Variants in PCDHGB2 observed in about 807,000 individuals in gnomAD.
PCDHGB2 encodes protocadherin gamma subfamily B, 2, also known as protocadherin gamma-B2.
A neutral mutation model predicts 59.3 loss-of-function variants in PCDHGB2; 55 were observed. The ratio of observed to expected loss-of-function variants is 0.93; its 90% confidence interval spans 0.75 to 1.16. PCDHGB2 has a LOEUF of 1.16. PCDHGB2 is among the 50% of genes most tolerant of loss of function. The probability of loss-of-function intolerance (pLI) is 0.00; values close to 1 mark genes in which losing one functional copy is unlikely to be tolerated. For synonymous variants in PCDHGB2, 516 were observed against 512.0 expected (o/e 1.01, Z -0.11); for missense variants, 1,228 against 1,198.5 (o/e 1.02, Z -0.36).
chr5:141,443,216 C>T (rs758242896), intron 1 of PCDHGB2, among the ~76,000 whole-genome samples: 3 of 151,908 alleles, frequency 2.0e-5, no homozygotes, highest in South Asian at 2.1e-4. Context: ...TCTCGCCAGG[C>T]GCATCTATAA....
In PCDHGB2 at chr5:141,382,960, G is replaced by C. The variant is rs62621829; in HGVS notation, c.2421+20404G>C. The C allele has an allele frequency of 3.2e-4, 511 of 1,607,476 alleles. 2 individuals are homozygous for C. The highest frequency in any genetic ancestry group is 5.5e-5 in the Non-Finnish European group (65 of 1,175,660). On this transcript the variant is annotated intron_variant, in intron 1 of 3. Coordinates refer to ENST00000522605, the MANE Select transcript of PCDHGB2 (RefSeq NM_018923.3). ...ATTCTTCCTGCTCTCCATCCTCCTGGGGACCCCCTGGGAAGCCTGGGCAGG... is the reference window on the plus strand; with the variant it reads ...ATTCTTCCTGCTCTCCATCCTCCTGCGGACCCCCTGGGAAGCCTGGGCAGG...
intron 1 of PCDHGB2, chr5:141,422,190 A>G (rs761351024): frequency 6.4e-7 from 1 of 1,561,412 alleles, no homozygotes. Flanking sequence ...TGGAAATTCA[A>G]GGCCAAGATG....
intron 1 of PCDHGB2, chr5:141,421,043 C>T (rs1201118615): frequency 5.5e-6 from 3 of 548,238 alleles, no homozygotes; most frequent in African/African-American, 3.9e-5. Flanking sequence ...CCTCCCTCCC[C>T]CGCCTCTACC....
intron 1 of PCDHGB2, chr5:141,421,442 A>G (rs769354611): frequency 1.7e-5 from 27 of 1,613,990 alleles, no homozygotes; most frequent in Non-Finnish European, 2.2e-5. Context: ...TCCAGAGGGA[A>G]GACACAGCTT....
intron 1 of PCDHGB2, chr5:141,364,246 G>C (rs918034939): frequency 6.8e-7 from 1 of 1,464,914 alleles, no homozygotes; most frequent in African/African-American, 1.4e-5. Flanking sequence ...ATTTTCGTCA[G>C]GGAATATGTA....
intron 1 of PCDHGB2, chr5:141,374,331 GC>G (rs1334948062): frequency 1.2e-6 from 2 of 1,614,024 alleles, no homozygotes; most frequent in Admixed American, 3.3e-5. Flanking sequence ...CGAAACGGCA[GC>G]TTGGTCACCG....
intron 1 of PCDHGB2, chr5:141,388,870 G>T (rs1196888001): frequency 4.3e-6 from 7 of 1,613,964 alleles, no homozygotes; most frequent in Non-Finnish European, 5.9e-6. Flanking sequence ...ATTGCGCAAT[G>T]CACAGTGGAG....
In PCDHGB2 at chr5:141,361,562, C is replaced by A. The variant is rs1348479180; in HGVS notation, c.1427C>A (p.Ala476Asp). Residue 476 changes from alanine to aspartate, a missense_variant, in exon 1 of 4, where the codon GCC (alanine) becomes GAC (aspartate). By Grantham distance (126) the Ala-to-Asp change is moderately radical. Coordinates refer to ENST00000522605, the MANE Select transcript of PCDHGB2 (RefSeq NM_018923.3). ...PPGASIAQISASDPDLGPSGQ... is the reference protein window; with the variant it reads ...PPGASIAQISDSDPDLGPSGQ... ...GGCGCCTCTATCGCTCAAATCAGTG[C>A]CTCTGACCCTGACTTGGGCCCCAGT... The A allele has an allele frequency of 1.9e-6, 3 of 1,614,074 alleles. No individual in the cohort carries two copies. The highest frequency in any genetic ancestry group is 2.2e-5 in the East Asian group (1 of 44,878).
At chr5:141,452,460 G>A (rs750887712) in intron 1 of PCDHGB2, among the ~76,000 whole-genome samples, 1 of 152,140 alleles carries the variant, frequency 6.6e-6, no homozygotes, top group Non-Finnish European at 1.5e-5. Flanking sequence ...GTCAGCAGAC[G>A]GAGCTAGGAA....
At chr5:141,366,695 G>A (rs1764747221) in intron 1 of PCDHGB2, 2 of 1,614,238 alleles carry the variant, frequency 1.2e-6, no homozygotes, top group Non-Finnish European at 8.5e-7. Context: ...TGAGAAAAGC[G>A]AGCCTCTTCT....
chr5:141,442,818 C>A (rs553817796), intron 1 of PCDHGB2, among the ~76,000 whole-genome samples: 1 of 151,882 alleles, frequency 6.6e-6, no homozygotes, highest in Non-Finnish European at 1.5e-5. Context: ...TGTACTGATC[C>A]AAAAATAAGG....
At chr5:141,509,486 A>G (rs1022659275) in intron 3 of PCDHGB2, among the ~76,000 whole-genome samples, 10 of 152,132 alleles carry the variant, frequency 6.6e-5, no homozygotes, top group African/African-American at 2.4e-4. Flanking sequence ...GGTAGAGGTG[A>G]TGGCATGCTG....
At chr5:141,502,961 A>G (rs886622146) in intron 2 of PCDHGB2, among the ~76,000 whole-genome samples, 3 of 146,786 alleles carry the variant, frequency 2.0e-5, no homozygotes, top group Non-Finnish European at 4.4e-5. Context: ...CTCCTGCCTC[A>G]GCCTCCCAAG....
intron 1 of PCDHGB2, chr5:141,384,433 G>A (rs1351940709): frequency 6.2e-7 from 1 of 1,613,998 alleles, no homozygotes. Flanking sequence ...CTCTGACACT[G>A]GAGTCCTGTA....
intron 1 of PCDHGB2, chr5:141,413,400 G>T: frequency 6.2e-7 from 1 of 1,614,060 alleles, no homozygotes. Context: ...CCAGAGGTAG[G>T]ACGCAGCTTT....
chr5:141,415,375 G>A (rs1453832867), intron 1 of PCDHGB2: 12 of 1,614,258 alleles, frequency 7.4e-6, no homozygotes, highest in South Asian at 1.1e-5. Context: ...GGCTTCAGGA[G>A]GCGGCTTGAC....
At chr5:141,450,506 G>A (rs2098682958) in intron 1 of PCDHGB2, among the ~76,000 whole-genome samples, 2 of 151,914 alleles carry the variant, frequency 1.3e-5, no homozygotes, top group Admixed American at 6.6e-5. Context: ...TTTGTTTTGA[G>A]ATGGAGTCTC....
At chr5:141,404,492 C>T (rs770295078) in intron 1 of PCDHGB2, 1 of 1,613,668 alleles carries the variant, frequency 6.2e-7, no homozygotes, top group African/African-American at 1.3e-5. Context: ...CACTGGTGTG[C>T]TGTATGCTCT....
intron 1 of PCDHGB2, among the ~76,000 whole-genome samples, chr5:141,433,559 G>A (rs2154555800): frequency 6.6e-6 from 1 of 152,212 alleles, no homozygotes; most frequent in Non-Finnish European, 1.5e-5. Context: ...TTTCTGGCTG[G>A]GCGCGGTGGC....
Sources: gnomAD v4.1 joint callset for allele counts (sites outside exome capture counted in the v4.1 genomes callset) on GRCh38, gnomAD v4.1.1 for gene constraint, MANE v1.5 for transcripts, NCBI Gene and HGNC (gene_info 2026-07-23, HGNC 2026-07-21) for gene names.